Variants in CNTN4 observed in about 807,000 individuals in gnomAD.
The protein encoded by CNTN4 is contactin 4.
Under a neutral mutation model 122.5 loss-of-function variants are expected in CNTN4, and 77 were observed. That is an observed-to-expected ratio of 0.63 (90% CI 0.52 to 0.76). The LOEUF (loss-of-function observed/expected upper bound fraction) is 0.76. CNTN4 is among the 30% of genes least tolerant of loss of function. The pLI is 0.00. For missense variants in CNTN4, 1,256 were observed against 1,259.1 expected, an observed-to-expected ratio of 1.00 and a Z score of 0.04; for synonymous variants, 512 against 447.0, an observed-to-expected ratio of 1.15 and a Z score of -1.83.
At position 2,202,821 on chromosome 3, in the gene CNTN4, T is replaced by A. The variant is rs959181696; in HGVS notation, c.-145+102182T>A. 4.6e-5 allele frequency among the ~76,000 whole-genome samples: 7 copies of A among 151,980 alleles called. No homozygotes were observed. In the East Asian group the frequency reaches 1.4e-3, roughly 30 times the overall value. ...AATTGCCATGTGTTTTTTGTAACAATTACATTTTTTTTTTCTTTTTGAGAT... is the reference window on the plus strand; with the variant it reads ...AATTGCCATGTGTTTTTTGTAACAAATACATTTTTTTTTTCTTTTTGAGAT... On this transcript the variant is annotated intron_variant, in intron 2 of 24. Coordinates refer to ENST00000418658, the MANE Select transcript of CNTN4 (RefSeq NM_175607.3).
intron 3 of CNTN4, among the ~76,000 whole-genome samples, chr3:2,467,516 C>T (rs1048805095): frequency 6.6e-6 from 1 of 152,090 alleles, no homozygotes; most frequent in Non-Finnish European, 1.5e-5. Flanking sequence ...CAGCCTTTCT[C>T]CTTATGTTTG....
chr3:2,382,482 G>A (rs549670988), intron 3 of CNTN4, among the ~76,000 whole-genome samples: 1 of 152,158 alleles, frequency 6.6e-6, no homozygotes, highest in African/African-American at 2.4e-5. Context: ...TCTGAGTTTA[G>A]ATTACTTACA....
chr3:2,923,095 T>C (rs2094444083), intron 12 of CNTN4, among the ~76,000 whole-genome samples: 1 of 152,192 alleles, frequency 6.6e-6, no homozygotes, highest in African/African-American at 2.4e-5. Context: ...AAAATGTAGT[T>C]TTTTGACAAA....
intron 13 of CNTN4, among the ~76,000 whole-genome samples, chr3:2,971,449 A>G (rs138985295): frequency 0.012 from 1,761 of 152,312 alleles, 35 homozygotes; most frequent in African/African-American, 0.04. Context: ...ATTCAGTGGT[A>G]TACCATAAGC....
At chr3:2,386,259 C>T (rs968233282) in intron 3 of CNTN4, among the ~76,000 whole-genome samples, 2 of 152,100 alleles carry the variant, frequency 1.3e-5, no homozygotes, top group Non-Finnish European at 2.9e-5. Context: ...GGATTATTTT[C>T]CTTCCCCACC....
Position 2,765,078 on chromosome 3 carries a change from A to G in CNTN4, c.358+19381A>G, listed in dbSNP as rs74624503. Reference sequence around the variant, plus strand: ...GTTTGAGAAACTCAAAACTGAGTTTAGAATTTGATGGTAATAAAATACCCA... The same window carrying G: ...GTTTGAGAAACTCAAAACTGAGTTTGGAATTTGATGGTAATAAAATACCCA... On this transcript the variant is annotated intron_variant, in intron 6 of 24. Coordinates refer to ENST00000418658, the MANE Select transcript of CNTN4 (RefSeq NM_175607.3). Among the ~76,000 whole-genome samples, 950 of 152,350 alleles carry G rather than the reference A, an allele frequency of 6.2e-3. 13 individuals carry two copies. Among genetic ancestry groups the G allele is most frequent in the African/African-American group, 0.022 (905 of 41,590 alleles).
intron 3 of CNTN4, among the ~76,000 whole-genome samples, chr3:2,533,310 T>C (rs1379484679): frequency 6.6e-6 from 1 of 151,472 alleles, no homozygotes; most frequent in Non-Finnish European, 1.5e-5. Context: ...CAGGCCCTGG[T>C]GTGTGATGTT....
In CNTN4 at chr3:2,578,181, A is replaced by G. The variant is rs545618569; in HGVS notation, c.55+6623A>G. The stretch of plus-strand genomic sequence containing the variant: ...AAACCTGCAATGAGAACACATACAA[A>G]GAATGCTCATTGGTCTTCAGAAGGC... On this transcript the variant is annotated intron_variant, in intron 4 of 24. Transcript: ENST00000418658. Among the ~76,000 whole-genome samples, 3 of 152,336 alleles carry G rather than the reference A, an allele frequency of 2.0e-5. No individual in the cohort carries two copies. In the South Asian group the frequency reaches 6.2e-4, roughly 32 times the overall value.
chr3:2,662,712 G>C (rs1043764230), intron 4 of CNTN4, among the ~76,000 whole-genome samples: 1 of 152,140 alleles, frequency 6.6e-6, no homozygotes. Flanking sequence ...ACTATCTGTT[G>C]ACATAAAGGA....
intron 2 of CNTN4, among the ~76,000 whole-genome samples, chr3:2,330,445 A>G (rs1474987158): frequency 1.3e-5 from 2 of 152,144 alleles, no homozygotes; most frequent in African/African-American, 4.8e-5. Flanking sequence ...GTCTTGGGCC[A>G]CCAGTCATTA....
At chr3:2,310,201 C>G (rs2042864497) in intron 2 of CNTN4, among the ~76,000 whole-genome samples, 1 of 152,088 alleles carries the variant, frequency 6.6e-6, no homozygotes, top group African/African-American at 2.4e-5. Flanking sequence ...AGACAAATGA[C>G]TTGGCTTTAG....
intron 2 of CNTN4, among the ~76,000 whole-genome samples, chr3:2,288,189 G>A (rs1267316063): frequency 6.6e-6 from 1 of 152,196 alleles, no homozygotes; most frequent in Non-Finnish European, 1.5e-5. Context: ...GAATGCCTGA[G>A]ACTAGGTAAT....
chr3:2,470,292 G>A lies in CNTN4; in HGVS notation c.-88-101124G>A, dbSNP rs80082880. 4.0e-3 allele frequency among the ~76,000 whole-genome samples: 613 copies of A among 152,100 alleles called. 6 individuals carry two copies. Among genetic ancestry groups the A allele is most frequent in the African/African-American group, 0.014 (561 of 41,496 alleles). On this transcript the variant is annotated intron_variant, in intron 3 of 24. Coordinates refer to ENST00000418658, the MANE Select transcript of CNTN4 (RefSeq NM_175607.3). The stretch of plus-strand genomic sequence containing the variant: ...GGGGTTTCACCGTGTTAGCCCAGTG[G>A]TCTCGATCTCCTGACCTCATGATTC...
intron 2 of CNTN4, among the ~76,000 whole-genome samples, chr3:2,326,519 CACACACACAA>C (rs1455674233): frequency 0.014 from 1,935 of 140,054 alleles, 18 homozygotes; most frequent in Non-Finnish European, 0.023. Context: ...CACACACACA[CACACACACAA>C]TCTTACTGAT....
intron 2 of CNTN4, among the ~76,000 whole-genome samples, chr3:2,237,360 A>G (rs371343270): frequency 5.3e-5 from 8 of 152,262 alleles, no homozygotes; most frequent in African/African-American, 1.7e-4. Flanking sequence ...TTGTAGTCCC[A>G]GAAACTCCAG....
At position 2,967,535 on chromosome 3, in the gene CNTN4, A is replaced by G. The variant is rs144424435; in HGVS notation, c.1359-20810A>G. On this transcript the variant is annotated intron_variant, in intron 13 of 24. Coordinates refer to ENST00000418658, the MANE Select transcript of CNTN4 (RefSeq NM_175607.3). Reference sequence around the variant, plus strand: ...TTATTGTCTTTGTTTTAAACTATAAACTATAAACTGAGTTCCTCCCAAACT... The same window carrying G: ...TTATTGTCTTTGTTTTAAACTATAAGCTATAAACTGAGTTCCTCCCAAACT... 1.7e-3 allele frequency among the ~76,000 whole-genome samples: 256 copies of G among 152,282 alleles called. 1 individual carries two copies. The highest frequency in any genetic ancestry group is 5.9e-3 in the African/African-American group (244 of 41,554).
rs1701914916 is a variant in CNTN4 at position 3,057,922 on chromosome 3, T to G, written c.*1702T>G. ...AGTGATCTAGCATATGTAATCTTTTTTAAAGGTATTGTTAATAAATATTCT... is the reference window on the plus strand; with the variant it reads ...AGTGATCTAGCATATGTAATCTTTTGTAAAGGTATTGTTAATAAATATTCT... On this transcript the variant is annotated 3_prime_UTR_variant, in exon 25 of 25. Transcript: ENST00000418658. 1 of 152,484 alleles carries G rather than the reference T, an allele frequency of 6.6e-6. No homozygotes were observed. The highest frequency in any genetic ancestry group is 1.5e-5 in the Non-Finnish European group (1 of 68,036). 9.4% of individuals were successfully genotyped at this position (152,484 alleles called of 1,614,324 possible).
chr3:2,491,716 G>A (rs1459621978), intron 3 of CNTN4, among the ~76,000 whole-genome samples: 1 of 151,966 alleles, frequency 6.6e-6, no homozygotes, highest in Non-Finnish European at 1.5e-5. Flanking sequence ...CATATTTATG[G>A]CCTTTGATAT....
chr3:2,170,678 G>A (rs1238688843), intron 2 of CNTN4, among the ~76,000 whole-genome samples: 1 of 152,250 alleles, frequency 6.6e-6, no homozygotes, highest in South Asian at 2.1e-4. Flanking sequence ...GTAGAGAAAT[G>A]TAGGGAGTGA....
Sources: gnomAD v4.1 joint callset for allele counts (sites outside exome capture counted in the v4.1 genomes callset) on GRCh38, gnomAD v4.1.1 for gene constraint, MANE v1.5 for transcripts, NCBI Gene and HGNC (gene_info 2026-07-23, HGNC 2026-07-21) for gene names.